SAMD12: variants seen among roughly 807,000 people sequenced by gnomAD.
SAMD12 encodes the protein sterile alpha motif domain containing 12.
SAMD12 carries 9 observed loss-of-function variants against 15.0 expected under a neutral mutation model. The ratio of observed to expected loss-of-function variants is 0.60; its 90% CI spans 0.36 to 1.05. The LOEUF (loss-of-function observed/expected upper bound fraction) is 1.05. SAMD12 is among the 50% of genes least tolerant of loss of function. SAMD12 has a pLI of 0.01. For synonymous variants in SAMD12, 86 were observed against 90.1 expected (o/e 0.96, Z 0.25); for missense variants, 230 against 234.2 (o/e 0.98, Z 0.12).
intron 4 of SAMD12, among the ~76,000 whole-genome samples, chr8:118,210,978 A>C (rs759132081): frequency 1.3e-5 from 2 of 152,238 alleles, no homozygotes; most frequent in Non-Finnish European, 2.9e-5. Context: ...TGAACAACAA[A>C]TAACCCCTGC....
chr8:118,223,372 G>A lies in SAMD12; in HGVS notation c.434-25640C>T, dbSNP rs555602058. On this transcript the variant is annotated intron_variant, in intron 4 of 4. Transcript: ENST00000409003. ...AGTCACTCCCATGCTATCTCCTGTA[G>A]CATCTGGGTTTTCCCTAGAAGACAC... is the stretch of plus-strand genomic sequence containing the variant. 2.4e-3 allele frequency among the ~76,000 whole-genome samples: 361 copies of A among 152,288 alleles called. 3 individuals carry two copies. Among genetic ancestry groups the A allele is most frequent in the African/African-American group, 8.3e-3 (345 of 41,560 alleles).
intron 4 of SAMD12, among the ~76,000 whole-genome samples, chr8:118,300,543 G>A (rs1220639246): frequency 6.6e-6 from 1 of 152,158 alleles, no homozygotes; most frequent in Non-Finnish European, 1.5e-5. Flanking sequence ...TGAGTGCTCA[G>A]GATGAGAAAT....
rs1817184222 is a variant in SAMD12, at chr8:118,338,350, C to T, written c.433+41210G>A. On this transcript the variant is annotated intron_variant, in intron 4 of 4. Coordinates refer to the SAMD12 transcript ENST00000409003. ...CATAAGATGTGCAAGTTAATAACCA[C>T]TTTTTATTAATAGTTTCTGCAGCTA... 2.0e-5 allele frequency among the ~76,000 whole-genome samples: 3 copies of T among 152,186 alleles called. No homozygotes were observed. The South Asian group carries it at 6.2e-4, about 31-fold the overall frequency.
chr8:118,372,666 T>C (rs1039282839), intron 4 of SAMD12, among the ~76,000 whole-genome samples: 32 of 152,278 alleles, frequency 2.1e-4, no homozygotes, highest in African/African-American at 7.2e-4. Flanking sequence ...GCTTTCTTTG[T>C]GTCAAACAAA....
chr8:118,401,161 C>T (rs569903686), intron 3 of SAMD12, among the ~76,000 whole-genome samples: 116 of 152,272 alleles, frequency 7.6e-4, no homozygotes, highest in South Asian at 1.7e-3. Context: ...TACAAAGCAT[C>T]CAGATCATTT....
chr8:118,180,654 C>T, the SAMD12 span, among the ~76,000 whole-genome samples: 8 of 152,086 alleles, frequency 5.3e-5, no homozygotes, highest in African/African-American at 1.7e-4. Flanking sequence ...CTCACTGCAA[C>T]CTCCGCCTCC....
chr8:118,272,942 T>C (rs951516037), intron 4 of SAMD12, among the ~76,000 whole-genome samples: 1 of 152,250 alleles, frequency 6.6e-6, no homozygotes, highest in South Asian at 2.1e-4. Flanking sequence ...TTTTCCTGTC[T>C]TCTTCTGAGT....
At chr8:118,161,503 A>C in the SAMD12 span, among the ~76,000 whole-genome samples, 15 of 149,996 alleles carry the variant, frequency 1.0e-4, no homozygotes, top group Non-Finnish European at 3.0e-5. Context: ...TCAAGGATGC[A>C]GTGAGCCGCT....
At chr8:118,502,440 A>G (rs1309411579) in intron 2 of SAMD12, among the ~76,000 whole-genome samples, 2 of 152,018 alleles carry the variant, frequency 1.3e-5, no homozygotes, top group African/African-American at 4.8e-5. Context: ...CACATAGACA[A>G]AAAAAAATCA....
intron 2 of SAMD12, among the ~76,000 whole-genome samples, chr8:118,513,622 A>C (rs1024741188): frequency 3.3e-5 from 5 of 152,228 alleles, no homozygotes; most frequent in African/African-American, 4.8e-5. Flanking sequence ...AGAGAAAATA[A>C]GAAAATGCCC....
At chr8:118,329,761 G>A (rs549871644) in intron 4 of SAMD12, among the ~76,000 whole-genome samples, 7 of 151,994 alleles carry the variant, frequency 4.6e-5, no homozygotes, top group Admixed American at 6.6e-5. Flanking sequence ...TATTCATATT[G>A]ATTCATGTGG....
chr8:118,598,366 G>T (rs1563604761), intron 1 of SAMD12, among the ~76,000 whole-genome samples: 2 of 152,212 alleles, frequency 1.3e-5, no homozygotes, highest in South Asian at 2.1e-4. Flanking sequence ...ACAAGAAGGG[G>T]AAGAGACACC....
the SAMD12 span, among the ~76,000 whole-genome samples, chr8:118,175,036 A>AAC: frequency 0.019 from 1,669 of 88,946 alleles, 29 homozygotes; most frequent in African/African-American, 0.057. Context: ...AAAAAAAACA[A>AAC]AAAAAAAAAA....
At chr8:118,543,979 T>C (rs1368569759) in intron 2 of SAMD12, among the ~76,000 whole-genome samples, 1 of 152,160 alleles carries the variant, frequency 6.6e-6, no homozygotes, top group Non-Finnish European at 1.5e-5. Context: ...TAAAAAAATC[T>C]TTTGGCTCTC....
chr8:118,562,663 C>T (rs1285286847), intron 2 of SAMD12, among the ~76,000 whole-genome samples: 2 of 152,106 alleles, frequency 1.3e-5, no homozygotes, highest in African/African-American at 2.4e-5. Context: ...AGCAGTGTAG[C>T]CACAGATCAA....
At chr8:118,163,806 C>T in the SAMD12 span, among the ~76,000 whole-genome samples, 4 of 152,192 alleles carry the variant, frequency 2.6e-5, no homozygotes, top group African/African-American at 9.6e-5. Flanking sequence ...ACCCTGGAGG[C>T]AGAGCTTGCA....
In SAMD12 at chr8:118,392,057, G is replaced by A. The variant is rs16890949; in HGVS notation, c.323-12357C>T. ...TACCTGTCTAGGATTGCATTTCTTC[G>A]CTGGCAAAATGGGAATAATATGACA... On this transcript the variant is annotated intron_variant, in intron 3 of 3. Transcript: ENST00000314727. Among the ~76,000 whole-genome samples, 1,467 of 152,106 alleles carry A rather than the reference G, an allele frequency of 9.6e-3. 25 individuals carry two copies. The highest frequency in any genetic ancestry group is 0.034 in the African/African-American group (1,391 of 41,480).
At chr8:118,570,254 T>C (rs567574520) in intron 2 of SAMD12, among the ~76,000 whole-genome samples, 4 of 152,316 alleles carry the variant, frequency 2.6e-5, no homozygotes, top group Admixed American at 2.6e-4. Context: ...ACAGGTTTGT[T>C]ATATAGGTAA....
chr8:118,167,090 T>A, the SAMD12 span, among the ~76,000 whole-genome samples: 1 of 152,170 alleles, frequency 6.6e-6, no homozygotes, highest in East Asian at 1.9e-4. Flanking sequence ...TCTTCTATGA[T>A]GAGGCAGTCC....
Sources: allele counts gnomAD v4.1 joint callset (sites outside exome capture counted in the v4.1 genomes callset), GRCh38; gene constraint gnomAD v4.1.1; transcripts MANE v1.5; gene names NCBI Gene and HGNC (gene_info 2026-07-23, HGNC 2026-07-21).